ATP8B4: variants seen among roughly 807,000 people sequenced by gnomAD.
The protein encoded by ATP8B4 is ATPase phospholipid transporting 8B4 (putative), also known as probable phospholipid-transporting ATPase IM.
Under a neutral mutation model 145.6 loss-of-function variants are expected in ATP8B4, and 133 were observed. The observed-to-expected ratio is 0.91, with a 90% CI of 0.79 to 1.05. ATP8B4 has a LOEUF of 1.05. ATP8B4 is among the 50% of genes least tolerant of loss of function. The pLI is 0.00. For synonymous variants in ATP8B4, 507 were observed against 492.9 expected (o/e 1.03, Z -0.38); for missense variants, 1,458 against 1,425.2 (o/e 1.02, Z -0.37).
intron 1 of ATP8B4, among the ~76,000 whole-genome samples, chr15:50,136,847 G>C (rs1482042554): frequency 6.6e-6 from 1 of 152,288 alleles, no homozygotes; most frequent in South Asian, 2.1e-4. Context: ...GGGGTTGATA[G>C]TAATGGTACT....
rs1264736894 is a variant in ATP8B4 at position 49,917,020 on chromosome 15, A to G, written c.2055T>C (p.Gly685=). ...CGTCAGTCAGCATGTTGCAGGCATA[A>G]CCGATGTTGATGGCAGTTTCTAACA... ...GDKQETAINI[G]YACNMLTDDM... The change falls in exon 20 of 28, where the codon GGT becomes GGC. Residue 685 remains glycine, a synonymous_variant. Coordinates refer to ENST00000284509, the MANE Select transcript of ATP8B4 (RefSeq NM_024837.4). 6.2e-7 allele frequency: 1 copy of G among 1,613,970 alleles called. No homozygotes were observed. Among genetic ancestry groups the G allele is most frequent in the South Asian group, 1.1e-5 (1 of 91,064 alleles).
chr15:50,166,912 C>G (rs1327734965), intron 1 of ATP8B4, among the ~76,000 whole-genome samples: 1 of 152,062 alleles, frequency 6.6e-6, no homozygotes, highest in Non-Finnish European at 1.5e-5. Context: ...AACAAAACAG[C>G]AATAGAAAAA....
At chr15:50,168,716 T>C (rs530597244) in intron 1 of ATP8B4, among the ~76,000 whole-genome samples, 2 of 152,296 alleles carry the variant, frequency 1.3e-5, no homozygotes, top group East Asian at 3.9e-4. Flanking sequence ...AACAGGCATG[T>C]AGACTTCACA....
At chr15:50,033,582 CA>C (rs1488576702) in intron 6 of ATP8B4, among the ~76,000 whole-genome samples, 2 of 152,066 alleles carry the variant, frequency 1.3e-5, no homozygotes, top group Admixed American at 6.5e-5. Context: ...ATTTTAGATT[CA>C]GGGGATACAT....
At chr15:49,980,709 C>A (rs1238807915) in intron 11 of ATP8B4, among the ~76,000 whole-genome samples, 2 of 152,088 alleles carry the variant, frequency 1.3e-5, no homozygotes, top group East Asian at 3.9e-4. Flanking sequence ...GGGTTCAGTG[C>A]AAAATGAAAA....
At chr15:50,138,309 T>C (rs372239427) in intron 1 of ATP8B4, among the ~76,000 whole-genome samples, 1 of 141,060 alleles carries the variant, frequency 7.1e-6, no homozygotes, top group Admixed American at 7.5e-5. Context: ...TAGATACATA[T>C]ATAGATAGAT....
chr15:50,046,126 G>C (rs1196649541), intron 4 of ATP8B4, among the ~76,000 whole-genome samples: 2 of 150,822 alleles, frequency 1.3e-5, no homozygotes, highest in South Asian at 2.1e-4. Context: ...ATATGATCTT[G>C]GTTAAGCCAA....
intron 6 of ATP8B4, among the ~76,000 whole-genome samples, chr15:50,027,882 C>G (rs960399385): frequency 6.6e-6 from 1 of 152,156 alleles, no homozygotes; most frequent in African/African-American, 2.4e-5. Context: ...AACTCAACAA[C>G]GTTATTTGAG....
At chr15:50,044,901 A>C (rs1037537093) in intron 4 of ATP8B4, among the ~76,000 whole-genome samples, 9 of 152,240 alleles carry the variant, frequency 5.9e-5, no homozygotes, top group Admixed American at 2.0e-4. Context: ...CCTAACCAAA[A>C]ACTGAAATTT....
At chr15:50,155,694 T>C (rs1002763095) in intron 1 of ATP8B4, among the ~76,000 whole-genome samples, 1 of 152,148 alleles carries the variant, frequency 6.6e-6, no homozygotes, top group Admixed American at 6.5e-5. Context: ...ACGTAATGTA[T>C]GTACATATGC....
chr15:49,905,534 A>C (rs2153437189), intron 20 of ATP8B4, among the ~76,000 whole-genome samples: 1 of 152,302 alleles, frequency 6.6e-6, no homozygotes, highest in African/African-American at 2.4e-5. Flanking sequence ...CACTATAACT[A>C]TAATGATTTC....
At chr15:49,902,638 C>A (rs1264884619) in intron 20 of ATP8B4, among the ~76,000 whole-genome samples, 1 of 152,082 alleles carries the variant, frequency 6.6e-6, no homozygotes, top group African/African-American at 2.4e-5. Flanking sequence ...TAGGGAGTTA[C>A]AAAGGGGAGA....
At position 49,882,432 on chromosome 15, in the gene ATP8B4, T is replaced by C. The variant is rs74608739; in HGVS notation, c.2698-2973A>G. Among the ~76,000 whole-genome samples the C allele has an allele frequency of 3.9e-4, 59 of 152,296 alleles. No homozygotes were observed. The East Asian group carries it at 0.011, about 28-fold the overall frequency. On this transcript the variant is annotated intron_variant, in intron 23 of 27. Transcript: ENST00000284509. ...CTATCTTCGTGCAGTGGGATACATA[T>C]AAAAATACTCATAGCAGCATTGGTC...
At chr15:50,004,718 G>A (rs2048178766) in intron 7 of ATP8B4, among the ~76,000 whole-genome samples, 1 of 152,122 alleles carries the variant, frequency 6.6e-6, no homozygotes, top group African/African-American at 2.4e-5. Flanking sequence ...AGGCCCAGAG[G>A]GCTTCTGTAA....
intron 6 of ATP8B4, among the ~76,000 whole-genome samples, chr15:50,022,362 T>C (rs1407189072): frequency 2.6e-5 from 4 of 152,184 alleles, no homozygotes; most frequent in Non-Finnish European, 4.4e-5. Context: ...ATACATTATA[T>C]TGAAACTAAA....
rs1481177608 is a variant in ATP8B4, at chr15:49,987,405, A to G, written c.734T>C (p.Met245Thr). The G allele has an allele frequency of 3.1e-6, 5 of 1,613,728 alleles. No individual in the cohort carries two copies. Among genetic ancestry groups the G allele is most frequent in the Non-Finnish European group, 4.2e-6 (5 of 1,179,758 alleles). The change falls in exon 10 of 28, where the codon ATG becomes ACG. Residue 245 changes from methionine to threonine, a missense_variant. Coordinates refer to ENST00000284509, the MANE Select transcript of ATP8B4 (RefSeq NM_024837.4). ...ACATGCTGTACCTGCAAAAATAACC[A>G]TTCCAAAACACCAGCTGGTATTTCT... Reference protein sequence around the residue: ...ILRNTSWCFGMVIFAGPDTKL... With the variant: ...ILRNTSWCFGTVIFAGPDTKL...
chr15:50,103,830 T>C (rs889851655), intron 2 of ATP8B4, among the ~76,000 whole-genome samples: 1 of 152,138 alleles, frequency 6.6e-6, no homozygotes, highest in South Asian at 2.1e-4. Context: ...GACTTCAAAC[T>C]ATACTATAAG....
At chr15:49,880,051 T>G (rs528485590) in intron 23 of ATP8B4, 13 of 152,388 alleles carry the variant, frequency 8.5e-5, no homozygotes, top group Middle Eastern at 6.8e-3. Flanking sequence ...CAATGAGGCA[T>G]GTGAAGCAGG....
intron 26 of ATP8B4, 98 bp downstream of exon 26, chr15:49,866,248 A>T (rs772803920): frequency 1.3e-4 from 192 of 1,455,146 alleles, no homozygotes; most frequent in Non-Finnish European, 1.1e-4. Context: ...ACAAAGGATC[A>T]CTAATCATCC....
Sources: gnomAD v4.1 joint callset for allele counts (sites outside exome capture counted in the v4.1 genomes callset) on GRCh38, gnomAD v4.1.1 for gene constraint, MANE v1.5 for transcripts, NCBI Gene and HGNC (gene_info 2026-07-23, HGNC 2026-07-21) for gene names.